The following ALKBH8 variants were observed in gnomAD, a reference collection of about 807,000 sequenced individuals.
ALKBH8 encodes tRNA (carboxymethyluridine(34)-5-O)-methyltransferase ALKBH8.
A neutral mutation model predicts 59.8 loss-of-function variants in ALKBH8; 36 were observed. That is an observed-to-expected ratio of 0.60 (90% confidence interval 0.46 to 0.79). The LOEUF is 0.79. Among genes scored for constraint, ALKBH8 ranks in the 30% least tolerant of loss-of-function variants. ALKBH8 has a pLI of 0.00. For missense variants in ALKBH8, 768 were observed against 801.0 expected (o/e 0.96, Z 0.50); for synonymous variants, 276 against 273.6 (o/e 1.01, Z -0.09).
At chr11:107,562,061 G>C (rs1240581464) in intron 1 of ALKBH8, among the ~76,000 whole-genome samples, 1 of 152,122 alleles carries the variant, frequency 6.6e-6, no homozygotes, top group Non-Finnish European at 1.5e-5. Context: ...TCTTTAGGAG[G>C]CCAAGGCAGG....
intron 10 of ALKBH8, among the ~76,000 whole-genome samples, chr11:107,511,509 T>G (rs1425402939): frequency 6.6e-6 from 1 of 152,182 alleles, no homozygotes; most frequent in Non-Finnish European, 1.5e-5. Flanking sequence ...ATTTTTTTTC[T>G]GCTTCTTTAT....
intron 10 of ALKBH8, among the ~76,000 whole-genome samples, chr11:107,512,403 T>A (rs1270110023): frequency 6.6e-6 from 1 of 152,052 alleles, no homozygotes; most frequent in African/African-American, 2.4e-5. Context: ...AGCCTCCACC[T>A]CCCAGGCCCA....
chr11:107,553,087 T>G, intron 5 of ALKBH8, 21 bp downstream of exon 5: 1 of 1,430,796 alleles, frequency 7.0e-7, no homozygotes, highest in Non-Finnish European at 9.6e-7. Context: ...CAGAATTTAT[T>G]ATGTATTAGC....
chr11:107,556,918 T>G lies in ALKBH8; in HGVS notation c.215A>C (p.Asp72Ala). ...CTTGTTAGGTGGCATTAAGAGAGCA[T>G]CCACCAGTCCACATTTCTCTAAAAC... ...LPVLEKCGLV[D>A]ALLMPPNKPY... Residue 72 changes from aspartate to alanine, a missense_variant, in exon 3 of 12, where the codon GAT (aspartate) becomes GCT (alanine). Physicochemically the swap from Asp to Ala is moderately radical, Grantham distance 126. Transcript: ENST00000428149. 6.2e-7 allele frequency: 1 copy of G among 1,612,796 alleles called. No individual in the cohort carries two copies. The highest frequency in any genetic ancestry group is 8.5e-7 in the Non-Finnish European group (1 of 1,179,382).
intron 7 of ALKBH8, among the ~76,000 whole-genome samples, chr11:107,540,917 A>C (rs1279921495): frequency 6.6e-6 from 1 of 152,234 alleles, no homozygotes; most frequent in Non-Finnish European, 1.5e-5. Flanking sequence ...ATCATAAATA[A>C]TGTATTTTTA....
intron 10 of ALKBH8, among the ~76,000 whole-genome samples, chr11:107,516,459 A>G (rs1183993278): frequency 1.3e-5 from 2 of 152,214 alleles, no homozygotes; most frequent in African/African-American, 2.4e-5. Context: ...TCAACTCAAA[A>G]TGGATGAAAG....
In ALKBH8 at chr11:107,522,398, G is replaced by A. The variant is rs1207137819; in HGVS notation, c.1188C>T (p.His396=). ...GCAAAGCCTTCAAAAACTCCACAATGTGCGGCCAAGGGGTATGTCTTGTGC... is the reference window on the plus strand; with the variant it reads ...GCAAAGCCTTCAAAAACTCCACAATATGCGGCCAAGGGGTATGTCTTGTGC... ...FSSTRHTPWP[H]IVEFLKALPS... Residue 396 remains histidine, a synonymous_variant, in exon 10 of 12, where the codon CAC becomes CAT. Coordinates refer to ENST00000428149, the MANE Select transcript of ALKBH8 (RefSeq NM_138775.3). 1 of 1,551,670 alleles carries A rather than the reference G, an allele frequency of 6.4e-7. No homozygotes were observed. Among genetic ancestry groups the A allele is most frequent in the Non-Finnish European group, 8.7e-7 (1 of 1,146,966 alleles).
In ALKBH8 at chr11:107,504,332, C is replaced by A. The variant is rs145965917; in HGVS notation, c.*326G>T. The A allele has an allele frequency of 2.2e-4, 121 of 549,586 alleles. No individual in the cohort carries two copies. The Middle Eastern group carries it at 3.8e-3, about 17-fold the overall frequency. 34.0% of individuals were successfully genotyped at this position (549,586 alleles called of 1,614,324 possible). A position where few individuals can be genotyped will look rare whatever the true frequency, so the allele number is the denominator to read the frequency against. On this transcript the variant is annotated 3_prime_UTR_variant, in exon 12 of 12. Coordinates refer to ENST00000428149, the MANE Select transcript of ALKBH8 (RefSeq NM_138775.3). ...CCCTAAAATCCTACATGATTTACTA[C>A]ATTTAGTAGCACTTTACTAAAAAAC... is the stretch of plus-strand genomic sequence containing the variant.
chr11:107,517,747 G>A (rs1383547084), intron 10 of ALKBH8, among the ~76,000 whole-genome samples: 1 of 152,162 alleles, frequency 6.6e-6, no homozygotes, highest in Non-Finnish European at 1.5e-5. Flanking sequence ...TAGCTACCAG[G>A]GACTGAGACA....
intron 9 of ALKBH8, among the ~76,000 whole-genome samples, chr11:107,524,321 C>A (rs1863260614): frequency 6.6e-6 from 1 of 152,078 alleles, no homozygotes; most frequent in Non-Finnish European, 1.5e-5. Context: ...GCCTCAGCCT[C>A]CCAAAGTGCT....
At position 107,511,091 on chromosome 11, in the gene ALKBH8, G is replaced by A. The variant is rs1252637758; in HGVS notation, c.1288-55C>T. Reference sequence around the variant, plus strand: ...TTGTTTAAATTTCACATGAAATTAAGAACTATGAACTTATTCCATACCTTA... The same window carrying A: ...TTGTTTAAATTTCACATGAAATTAAAAACTATGAACTTATTCCATACCTTA... On this transcript the variant is annotated intron_variant, in intron 10 of 11. Transcript: ENST00000428149. The A allele has an allele frequency of 2.6e-6, 4 of 1,510,180 alleles. No homozygotes were observed. The Admixed American group carries it at 7.9e-5, about 30-fold the overall frequency. 93.5% of individuals were successfully genotyped at this position (1,510,180 alleles called of 1,614,324 possible).
At chr11:107,558,593 C>T (rs1402293524) in intron 2 of ALKBH8, among the ~76,000 whole-genome samples, 8 of 151,944 alleles carry the variant, frequency 5.3e-5, no homozygotes, top group African/African-American at 1.7e-4. Flanking sequence ...TCTAAGATGC[C>T]GTCTGAGTGT....
rs1296991361 is a variant in ALKBH8 at position 107,535,576 on chromosome 11, T to G, written c.772-3170A>C. Among the ~76,000 whole-genome samples, 3 of 152,214 alleles carry G rather than the reference T, an allele frequency of 2.0e-5. No homozygotes were observed. In the South Asian group the frequency reaches 6.2e-4, roughly 31 times the overall value. On this transcript the variant is annotated intron_variant, in intron 7 of 11. Coordinates refer to ENST00000428149, the MANE Select transcript of ALKBH8 (RefSeq NM_138775.3). ...TTGTCTTTTAAGAATTGTCTATTCATGTCCTTAGCCCATTTTTTGATATGA... is the reference window on the plus strand; with the variant it reads ...TTGTCTTTTAAGAATTGTCTATTCAGGTCCTTAGCCCATTTTTTGATATGA...
At chr11:107,560,632 A>T in intron 2 of ALKBH8, 133 bp downstream of exon 2, 1 of 819,744 alleles carries the variant, frequency 1.2e-6, no homozygotes, top group Non-Finnish European at 1.8e-6. Context: ...AGTTCATATC[A>T]TATGTACCTC....
In ALKBH8 at chr11:107,522,329, C is replaced by G. The variant is rs1863148258; in HGVS notation, c.1257G>C (p.Lys419Asn). ...IVADIGCGNG[K>N]YLGINKELYM... ...ATAACTCCTTATTGATGCCAAGATA[C>G]TTTCCATTACCACATCCAATATCAG... Residue 419 changes from lysine to asparagine, a missense_variant, in exon 10 of 12, where the codon AAG (lysine) becomes AAC (asparagine). Lys to Asn is a moderately conservative substitution (Grantham distance 94, BLOSUM62 0). Transcript: ENST00000428149. The G allele has an allele frequency of 1.3e-6, 2 of 1,551,500 alleles. No individual in the cohort carries two copies. Among genetic ancestry groups the G allele is most frequent in the Non-Finnish European group, 1.7e-6 (2 of 1,146,948 alleles).
rs138284194 is a variant in ALKBH8, at chr11:107,526,230, G to A, written c.879-638C>T. ...GTTGTAAAATGTTACACTCCAACCG[G>A]CAATATATGAGAGAGTTCCAGGCTA... is the stretch of plus-strand genomic sequence containing the variant. On this transcript the variant is annotated intron_variant, in intron 8 of 11. Coordinates refer to ENST00000428149, the MANE Select transcript of ALKBH8 (RefSeq NM_138775.3). Among the ~76,000 whole-genome samples the A allele has an allele frequency of 4.3e-3, 655 of 152,030 alleles. 1 individual carries two copies. The highest frequency in any genetic ancestry group is 7.4e-3 in the Non-Finnish European group (502 of 67,846).
Position 107,525,505 on chromosome 11 carries a change from T to G in ALKBH8, c.966A>C (p.Leu322Phe), listed in dbSNP as rs2135509113. The G allele has an allele frequency of 6.5e-7, 1 of 1,543,052 alleles. No individual in the cohort carries two copies. Among genetic ancestry groups the G allele is most frequent in the South Asian group, 1.2e-5 (1 of 83,314 alleles). ...ATGATGTTCGTAGTCCCCTCTTGCT[T>G]AAAGTTAAGTCTCCAACATCACTGG... is the stretch of plus-strand genomic sequence containing the variant. The part of the protein sequence containing the change: ...IITSDVGDLT[L>F]SKRGLRTSFT... Residue 322 changes from leucine (L) to phenylalanine (F), a missense_variant, in exon 9 of 12, where the codon TTA becomes TTC. By Grantham distance (22) the Leu-to-Phe change is conservative. Transcript: ENST00000428149.
At chr11:107,510,766 G>T in intron 11 of ALKBH8, 121 bp downstream of exon 11, 1 of 1,079,206 alleles carries the variant, frequency 9.3e-7, no homozygotes, top group Non-Finnish European at 1.3e-6. Flanking sequence ...GGAAAACTGT[G>T]ACAAGAAAAG....
At chr11:107,546,903 T>C (rs983211731) in intron 7 of ALKBH8, among the ~76,000 whole-genome samples, 2 of 152,156 alleles carry the variant, frequency 1.3e-5, no homozygotes, top group African/African-American at 4.8e-5. Context: ...AAATAAAGCA[T>C]TTTAAGTAAT....
Sources: gnomAD v4.1 joint callset for allele counts (sites outside exome capture counted in the v4.1 genomes callset) on GRCh38, gnomAD v4.1.1 for gene constraint, MANE v1.5 for transcripts, NCBI Gene and HGNC (gene_info 2026-07-23, HGNC 2026-07-21) for gene names.